RAP1A: variants seen among roughly 807,000 people sequenced by gnomAD.
RAP1A encodes the protein RAP1A, member of RAS oncogene family.
Under a neutral mutation model 26.4 loss-of-function variants are expected in RAP1A, and 6 were observed. The observed-to-expected ratio is 0.23, with a 90% CI of 0.12 to 0.45. RAP1A has a LOEUF of 0.45. Among genes scored for constraint, RAP1A ranks in the 20% least tolerant of loss-of-function variants. RAP1A has a pLI of 0.99. For synonymous variants in RAP1A, 73 were observed against 79.4 expected (o/e 0.92, Z 0.43); for missense variants, 121 against 217.2 (o/e 0.56, Z 2.78).
chr1:111,700,230 C>A (rs1206235133), intron 4 of RAP1A, among the ~76,000 whole-genome samples: 1 of 152,108 alleles, frequency 6.6e-6, no homozygotes, highest in Non-Finnish European at 1.5e-5. Flanking sequence ...AGGCCGTTTG[C>A]ATTATTGTAA....
At chr1:111,672,834 T>C (rs149432863) in intron 1 of RAP1A, among the ~76,000 whole-genome samples, 102 of 152,364 alleles carry the variant, frequency 6.7e-4, no homozygotes, top group African/African-American at 2.3e-3. Flanking sequence ...AACTACAATA[T>C]GTTCAGGTGC....
chr1:111,635,320 G>A (rs1319272727), intron 1 of RAP1A, among the ~76,000 whole-genome samples: 1 of 152,164 alleles, frequency 6.6e-6, no homozygotes, highest in Non-Finnish European at 1.5e-5. Context: ...TATATAAATG[G>A]TATGCAAAAT....
At chr1:111,696,152 A>C (rs1357202869) in intron 3 of RAP1A, among the ~76,000 whole-genome samples, 2 of 152,214 alleles carry the variant, frequency 1.3e-5, no homozygotes, top group Non-Finnish European at 2.9e-5. Context: ...TATTCTGTAG[A>C]AGACCAGCCA....
chr1:111,598,309 G>T (rs950781512), intron 1 of RAP1A, among the ~76,000 whole-genome samples: 2 of 152,122 alleles, frequency 1.3e-5, no homozygotes, highest in Admixed American at 1.3e-4. Flanking sequence ...ACAACCCTAG[G>T]AGGTAGATAC....
intron 4 of RAP1A, among the ~76,000 whole-genome samples, chr1:111,699,423 C>T (rs1661943479): frequency 6.6e-6 from 1 of 151,348 alleles, no homozygotes; most frequent in Admixed American, 6.6e-5. Flanking sequence ...ATCTTATCCT[C>T]CATTACTCAC....
chr1:111,562,588 T>C (rs139382860), intron 1 of RAP1A, among the ~76,000 whole-genome samples: 81 of 152,356 alleles, frequency 5.3e-4, no homozygotes, highest in Admixed American at 9.1e-4. Flanking sequence ...CATACTTGTG[T>C]CCCATAAACA....
intron 1 of RAP1A, among the ~76,000 whole-genome samples, chr1:111,571,034 G>A (rs1021604870): frequency 6.6e-6 from 1 of 152,218 alleles, no homozygotes; most frequent in Admixed American, 6.5e-5. Flanking sequence ...AGTCTCACAA[G>A]ACTGCCCCCA....
At chr1:111,609,368 A>G (rs1658878936) in intron 1 of RAP1A, among the ~76,000 whole-genome samples, 1 of 151,956 alleles carries the variant, frequency 6.6e-6, no homozygotes, top group South Asian at 2.1e-4. Flanking sequence ...TCAAAAGCCC[A>G]CTTCTTTGGT....
At chr1:111,666,529 T>C (rs1660800123) in intron 1 of RAP1A, among the ~76,000 whole-genome samples, 1 of 152,170 alleles carries the variant, frequency 6.6e-6, no homozygotes, top group African/African-American at 2.4e-5. Context: ...ATTGCAGATA[T>C]TCTAAAAATA....
intron 1 of RAP1A, among the ~76,000 whole-genome samples, chr1:111,611,567 T>C (rs1161687637): frequency 2.0e-5 from 3 of 152,272 alleles, no homozygotes; most frequent in African/African-American, 7.2e-5. Flanking sequence ...ACTTATGCTG[T>C]ATCAGTTAAC....
chr1:111,708,637 T>C (rs534718370), intron 6 of RAP1A, among the ~76,000 whole-genome samples: 1 of 152,346 alleles, frequency 6.6e-6, no homozygotes, highest in South Asian at 2.1e-4. Flanking sequence ...GTGTCAATCC[T>C]TAAATGTCTC....
intron 1 of RAP1A, among the ~76,000 whole-genome samples, chr1:111,560,518 G>A (rs977097628): frequency 7.2e-6 from 1 of 139,834 alleles, no homozygotes; most frequent in African/African-American, 3.0e-5. Flanking sequence ...TAGAGACAGG[G>A]TCTTCTGTCA....
At chr1:111,658,081 A>G (rs1660520175) in intron 1 of RAP1A, among the ~76,000 whole-genome samples, 1 of 152,188 alleles carries the variant, frequency 6.6e-6, no homozygotes, top group Non-Finnish European at 1.5e-5. Context: ...TGAAAATAAT[A>G]TATATTCTTT....
Position 111,709,161 on chromosome 1 carries a change from C to A in RAP1A, c.481C>A (p.Leu161Met). 1 of 1,607,180 alleles carries A rather than the reference C, an allele frequency of 6.2e-7. No individual in the cohort carries two copies. The highest frequency in any genetic ancestry group is 8.5e-7 in the Non-Finnish European group (1 of 1,178,212). Residue 161 changes from leucine to methionine, a missense_variant, in exon 7 of 8, where the codon CTG becomes ATG. Physicochemically the swap from Leu to Met is conservative, Grantham distance 15 (BLOSUM62 2). Transcript: ENST00000369709. Reference protein sequence around the residue: ...KINVNEIFYDLVRQINRKTPV... With the variant: ...KINVNEIFYDMVRQINRKTPV... ...TGTTTTTACTTAGATATTTTATGAC[C>A]TGGTCAGACAGATAAATAGGAAAAC...
At chr1:111,599,836 G>A (rs1457854521) in intron 1 of RAP1A, 1 of 152,188 alleles carries the variant, frequency 6.6e-6, no homozygotes, top group Non-Finnish European at 1.5e-5. Flanking sequence ...CTGGTGGGAG[G>A]TGATTGGATC....
At chr1:111,607,179 T>C (rs1014625985) in intron 1 of RAP1A, among the ~76,000 whole-genome samples, 1 of 151,430 alleles carries the variant, frequency 6.6e-6, no homozygotes, top group South Asian at 2.1e-4. Flanking sequence ...CCTTCCGCAG[T>C]GTTTGTGTCC....
chr1:111,597,380 C>A (rs2101069702), intron 1 of RAP1A, among the ~76,000 whole-genome samples: 1 of 152,194 alleles, frequency 6.6e-6, no homozygotes, highest in South Asian at 2.1e-4. Flanking sequence ...GCATTAAGCC[C>A]AGTCTTTAAG....
chr1:111,629,700 G>GC (rs1289540606), intron 1 of RAP1A, among the ~76,000 whole-genome samples: 1 of 152,106 alleles, frequency 6.6e-6, no homozygotes, highest in African/African-American at 2.4e-5. Context: ...AACTCACAGT[G>GC]CTCGTAGTGT....
At chr1:111,603,610 T>C (rs969835617) in intron 1 of RAP1A, among the ~76,000 whole-genome samples, 1 of 152,196 alleles carries the variant, frequency 6.6e-6, no homozygotes, top group African/African-American at 2.4e-5. Context: ...ATTTTTTCCT[T>C]TGTAAAATGT....
Sources: gnomAD v4.1 joint callset for allele counts (sites outside exome capture counted in the v4.1 genomes callset) on GRCh38, gnomAD v4.1.1 for gene constraint, MANE v1.5 for transcripts, NCBI Gene and HGNC (gene_info 2026-07-23, HGNC 2026-07-21) for gene names.